Variants in GRM1 observed in about 807,000 individuals in gnomAD.
The protein encoded by GRM1 is glutamate metabotropic receptor 1.
GRM1 carries 33 observed loss-of-function variants against 90.9 expected under a neutral mutation model. The observed-to-expected ratio is 0.36, with a 90% CI of 0.28 to 0.49. The LOEUF is 0.49. Among genes scored for constraint, GRM1 ranks in the 20% least tolerant of loss-of-function variants. The pLI, the probability that GRM1 is intolerant of heterozygous loss-of-function variation, is 0.99. For synonymous variants in GRM1, 700 were observed against 613.2 expected (o/e 1.14, Z -2.09); for missense variants, 1,190 against 1,534.3 (o/e 0.78, Z 3.75).
chr6:146,146,973 T>C (rs1777134110), intron 1 of GRM1, among the ~76,000 whole-genome samples: 6 of 152,170 alleles, frequency 3.9e-5, no homozygotes, highest in African/African-American at 1.4e-4. Flanking sequence ...TCAAGTCCAT[T>C]TACTGGCTAA....
intron 3 of GRM1, among the ~76,000 whole-genome samples, chr6:146,330,858 G>A (rs1784564014): frequency 1.3e-5 from 2 of 152,192 alleles, no homozygotes; most frequent in Admixed American, 6.5e-5. Flanking sequence ...GCTATGGGCT[G>A]AAAAAAATTA....
chr6:146,170,313 T>G (rs1778068009), intron 2 of GRM1, among the ~76,000 whole-genome samples: 1 of 152,158 alleles, frequency 6.6e-6, no homozygotes, highest in Non-Finnish European at 1.5e-5. Context: ...TTCAGCAAAT[T>G]TGGAAAGTTT....
intron 7 of GRM1, among the ~76,000 whole-genome samples, chr6:146,403,085 C>A (rs118070143): frequency 2.0e-5 from 3 of 151,842 alleles, no homozygotes; most frequent in African/African-American, 7.3e-5. Flanking sequence ...TTGAAAAAAT[C>A]GATTTATTGG....
At chr6:146,194,967 G>C (rs559065764) in intron 2 of GRM1, among the ~76,000 whole-genome samples, 1 of 152,228 alleles carries the variant, frequency 6.6e-6, no homozygotes, top group East Asian at 1.9e-4. Flanking sequence ...CATCATTGTT[G>C]TAAAGAATTA....
chr6:146,041,558 G>T (rs1791106047), intron 1 of GRM1, among the ~76,000 whole-genome samples: 1 of 151,922 alleles, frequency 6.6e-6, no homozygotes, highest in Non-Finnish European at 1.5e-5. Flanking sequence ...GTCTCCAAGA[G>T]AATTTCTCTG....
intron 5 of GRM1, among the ~76,000 whole-genome samples, chr6:146,371,358 A>G (rs1775894726): frequency 6.6e-6 from 1 of 151,902 alleles, no homozygotes; most frequent in African/African-American, 2.4e-5. Flanking sequence ...TAGTAGGTAT[A>G]TATATTTATG....
Position 146,180,160 on chromosome 6 carries a change from C to A in GRM1, c.950+20563C>A, listed in dbSNP as rs375793849. Among the ~76,000 whole-genome samples, 4 of 139,770 alleles carry A rather than the reference C, an allele frequency of 2.9e-5. No homozygotes were observed. In the East Asian group the frequency reaches 7.7e-4, roughly 27 times the overall value. The allele number at this position is 139,770 out of a possible 152,430, so 91.7% of individuals were successfully genotyped here. On this transcript the variant is annotated intron_variant, in intron 2 of 7. Coordinates refer to ENST00000282753, the MANE Select transcript of GRM1 (RefSeq NM_001278064.2). ...AAACAAACCAAAAAAACCAACCAAC[C>A]AACAAACAAAAAACTCTTCTTAAAA...
chr6:146,228,648 C>T (rs2114697015), intron 2 of GRM1, among the ~76,000 whole-genome samples: 1 of 152,206 alleles, frequency 6.6e-6, no homozygotes, highest in Middle Eastern at 3.4e-3. Context: ...CTTCAACTGA[C>T]AATGTAGATA....
intron 3 of GRM1, among the ~76,000 whole-genome samples, chr6:146,338,911 G>A (rs528971901): frequency 6.6e-6 from 1 of 152,118 alleles, no homozygotes; most frequent in South Asian, 2.1e-4. Flanking sequence ...TCTTATTCTT[G>A]CTTAATAGCC....
At chr6:146,274,536 A>G (rs1782285597) in intron 2 of GRM1, among the ~76,000 whole-genome samples, 2 of 152,224 alleles carry the variant, frequency 1.3e-5, no homozygotes, top group Non-Finnish European at 2.9e-5. Flanking sequence ...TTGTTCTCAC[A>G]GTATTTAAAA....
intron 2 of GRM1, among the ~76,000 whole-genome samples, chr6:146,177,294 A>G (rs1488529068): frequency 2.0e-5 from 3 of 152,098 alleles, no homozygotes; most frequent in Admixed American, 6.5e-5. Flanking sequence ...AACTCACAGC[A>G]GGCTAGAATA....
chr6:146,240,208 C>T (rs369769803), intron 2 of GRM1, among the ~76,000 whole-genome samples: 4 of 151,890 alleles, frequency 2.6e-5, no homozygotes, highest in Admixed American at 2.6e-4. Context: ...CATGTAGAAC[C>T]GTACAGGATA....
At chr6:146,247,599 A>C (rs988074699) in intron 2 of GRM1, among the ~76,000 whole-genome samples, 1 of 151,758 alleles carries the variant, frequency 6.6e-6, no homozygotes, top group Non-Finnish European at 1.5e-5. Context: ...AGATACAAAA[A>C]TATTAGTCGA....
chr6:146,273,131 AT>A (rs1782230737), intron 2 of GRM1, among the ~76,000 whole-genome samples: 1 of 152,330 alleles, frequency 6.6e-6, no homozygotes, highest in Admixed American at 6.5e-5. Flanking sequence ...TGTGCCAAAT[AT>A]ACTTTTTCAC....
intron 2 of GRM1, among the ~76,000 whole-genome samples, chr6:146,282,381 C>G (rs1325406298): frequency 6.6e-6 from 1 of 152,064 alleles, no homozygotes; most frequent in East Asian, 1.9e-4. Flanking sequence ...TATTGTATGT[C>G]TGACCAGATG....
chr6:146,343,946 T>C (rs1013353661), intron 3 of GRM1, among the ~76,000 whole-genome samples: 1 of 152,192 alleles, frequency 6.6e-6, no homozygotes, highest in Non-Finnish European at 1.5e-5. Flanking sequence ...TTGGGTGTGC[T>C]TACTGCTATT....
In GRM1 at chr6:146,367,813, A is replaced by G. The variant is rs145582937; in HGVS notation, c.1602+10119A>G. Among the ~76,000 whole-genome samples the G allele has an allele frequency of 8.5e-5, 13 of 152,112 alleles. 1 individual carries two copies. Among genetic ancestry groups the G allele is most frequent in the South Asian group, 8.3e-4 (4 of 4,820 alleles). ...TACCTCATTTTTCTTTATTCAGTCCACCATTGATGGGCATCTAGCTTGATT... is the reference window on the plus strand; with the variant it reads ...TACCTCATTTTTCTTTATTCAGTCCGCCATTGATGGGCATCTAGCTTGATT... On this transcript the variant is annotated intron_variant, in intron 5 of 7. Transcript: ENST00000282753.
intron 1 of GRM1, among the ~76,000 whole-genome samples, chr6:146,058,791 C>T (rs1024090699): frequency 2.6e-5 from 4 of 152,124 alleles, no homozygotes; most frequent in Admixed American, 2.0e-4. Context: ...TGTCATTTCA[C>T]AGCATCTTCA....
chr6:146,358,994 A>G (rs1775348626), intron 5 of GRM1, among the ~76,000 whole-genome samples: 2 of 152,186 alleles, frequency 1.3e-5, no homozygotes, highest in African/African-American at 4.8e-5. Flanking sequence ...TGGAGGCCTC[A>G]TGCCATGGCT....
Sources: allele counts gnomAD v4.1 joint callset (sites outside exome capture counted in the v4.1 genomes callset), GRCh38; gene constraint gnomAD v4.1.1; transcripts MANE v1.5; gene names NCBI Gene and HGNC (gene_info 2026-07-23, HGNC 2026-07-21).